Variants in ZCCHC2 observed in about 807,000 individuals in gnomAD.
The protein encoded by ZCCHC2 is zinc finger CCHC-type containing 2, also known as zinc finger CCHC domain-containing protein 2.
In ZCCHC2, 39 loss-of-function variants were observed where a neutral mutation model predicts 103.6. That is an observed-to-expected ratio of 0.38 (90% CI 0.29 to 0.49). ZCCHC2 has a LOEUF of 0.49. ZCCHC2 is among the 20% of genes least tolerant of loss of function. The pLI is 0.96. For synonymous variants in ZCCHC2, 687 were observed against 608.9 expected (o/e 1.13, Z -1.89); for missense variants, 1,483 against 1,491.0 (o/e 0.99, Z 0.09).
Position 62,524,028 on chromosome 18 carries a change from C to A in ZCCHC2, c.604C>A (p.Leu202Ile). The change falls in exon 1 of 14, where the codon CTC (leucine) becomes ATC (isoleucine). Residue 202 changes from leucine to isoleucine, a missense_variant. Leu to Ile is a conservative substitution (Grantham distance 5). This residue lies in a region of ZCCHC2 where 568 missense variants were observed against 525.1 expected (regional missense o/e 1.08). Transcript: ENST00000269499. ...CCTGCTACCCCAGGTGGACTCGGTG[C>A]TCAAAAGCCTGCGCGCGGCCCGGGG... The part of the protein sequence containing the change: ...HRLLPQVDSV[L>I]KSLRAARGEG... 1 of 1,469,104 alleles carries A rather than the reference C, an allele frequency of 6.8e-7. No homozygotes were observed. The highest frequency in any genetic ancestry group is 8.9e-7 in the Non-Finnish European group (1 of 1,121,848). The allele number at this position is 1,469,104 out of a possible 1,614,324, so 91.0% of individuals were successfully genotyped here. A position where few individuals can be genotyped will look rare whatever the true frequency, so the allele number is the denominator to read the frequency against.
intron 3 of ZCCHC2, among the ~76,000 whole-genome samples, chr18:62,544,367 A>G (rs1034421200): frequency 2.3e-4 from 35 of 152,250 alleles, no homozygotes; most frequent in African/African-American, 8.0e-4. Context: ...ATGAAATGGT[A>G]CTACCAAAGA....
Position 62,563,064 on chromosome 18 carries a change from C to G in ZCCHC2, c.1606C>G (p.Gln536Glu). 1 of 1,613,858 alleles carries G rather than the reference C, an allele frequency of 6.2e-7. No homozygotes were observed. Among genetic ancestry groups the G allele is most frequent in the Non-Finnish European group, 8.5e-7 (1 of 1,179,824 alleles). The change falls in exon 9 of 14, where the codon CAG (glutamine) becomes GAG (glutamate). Residue 536 changes from glutamine (Q) to glutamate (E), a missense_variant. Physicochemically the swap from Gln to Glu is conservative, Grantham distance 29. Transcript: ENST00000269499. ...LDGLTMQYSE[Q>E]NGIVDWRKQS... ...TGGGCTTACCATGCAATATTCTGAA[C>G]AGAATGGAATTGTGGATTGGAGGAA...
chr18:62,527,925 T>C (rs1914506565), intron 1 of ZCCHC2, among the ~76,000 whole-genome samples: 1 of 152,240 alleles, frequency 6.6e-6, no homozygotes, highest in Non-Finnish European at 1.5e-5. Flanking sequence ...ATGCAAGCAA[T>C]GTTTGCATAC....
intron 6 of ZCCHC2, among the ~76,000 whole-genome samples, chr18:62,557,330 C>T (rs1035872286): frequency 5.3e-5 from 8 of 152,086 alleles, no homozygotes; most frequent in African/African-American, 1.7e-4. Context: ...TAAAACTGTC[C>T]CTCTGCTCTC....
At chr18:62,527,206 A>G (rs189642025) in intron 1 of ZCCHC2, among the ~76,000 whole-genome samples, 1 of 152,278 alleles carries the variant, frequency 6.6e-6, no homozygotes, top group African/African-American at 2.4e-5. Context: ...ATACTGGCCC[A>G]GAATAGTGCA....
At chr18:62,553,037 T>A (rs1915731240) in intron 5 of ZCCHC2, among the ~76,000 whole-genome samples, 1 of 152,140 alleles carries the variant, frequency 6.6e-6, no homozygotes, top group African/African-American at 2.4e-5. Flanking sequence ...TAAAGCTAAT[T>A]TTGAAGAATG....
rs780379364 is a variant in ZCCHC2 at position 62,574,991 on chromosome 18, G to A, written c.2910G>A (p.Pro970=). The A allele has an allele frequency of 1.9e-5, 30 of 1,613,788 alleles. No individual in the cohort carries two copies. Among genetic ancestry groups the A allele is most frequent in the Admixed American group, 3.3e-5 (2 of 59,992 alleles). The change falls in exon 13 of 14, where the codon CCG becomes CCA. Residue 970 remains proline (P), a synonymous_variant. Coordinates refer to ENST00000269499, the MANE Select transcript of ZCCHC2 (RefSeq NM_017742.6). The part of the protein sequence containing the change: ...AVPTHTPGPA[P]SPSPALTHST... Reference sequence around the variant, plus strand: ...CTACCCACACCCCAGGCCCTGCCCCGAGCCCAAGCCCTGCCTTGACACACA... The same window carrying A: ...CTACCCACACCCCAGGCCCTGCCCCAAGCCCAAGCCCTGCCTTGACACACA...
rs1193485904 is a variant in ZCCHC2, at chr18:62,523,265, G to GC, written c.-154dup. On this transcript the variant is annotated 5_prime_UTR_variant, in exon 1 of 14. Transcript: ENST00000269499. ...CCAGCGACCCCGCCGGCCGGCCACC[G>GC]CCCCCCTCGCCGGCCGAGACCCGCC... is the stretch of plus-strand genomic sequence containing the variant. 1.1e-5 allele frequency: 6 copies of GC among 555,760 alleles called. No individual in the cohort carries two copies. Among genetic ancestry groups the GC allele is most frequent in the Non-Finnish European group, 1.4e-5 (6 of 439,508 alleles). The allele number at this position is 555,760 out of a possible 1,614,324, so 34.4% of individuals were successfully genotyped here.
chr18:62,530,817 A>G (rs1368401445), intron 1 of ZCCHC2, among the ~76,000 whole-genome samples: 1 of 152,222 alleles, frequency 6.6e-6, no homozygotes, highest in African/African-American at 2.4e-5. Context: ...TTAGATTATT[A>G]TTAATTATCG....
chr18:62,557,482 T>C (rs559620034), intron 6 of ZCCHC2, among the ~76,000 whole-genome samples: 1 of 152,370 alleles, frequency 6.6e-6, no homozygotes, highest in South Asian at 2.1e-4. Flanking sequence ...AGTGTGTTAA[T>C]GCTAACGTAA....
At position 62,542,582 on chromosome 18, in the gene ZCCHC2, A is replaced by C; in HGVS notation, c.1128+8A>C. ...TGGGAGTACACTTTCAAAGTAAGCC[A>C]TTTTCCCCACAAAAGATACCTCACG... On this transcript the variant is annotated splice_region_variant and intron_variant, in intron 3 of 13. Coordinates refer to ENST00000269499, the MANE Select transcript of ZCCHC2 (RefSeq NM_017742.6). 3.9e-6 allele frequency: 6 copies of C among 1,556,442 alleles called. No homozygotes were observed. The highest frequency in any genetic ancestry group is 5.2e-6 in the Non-Finnish European group (6 of 1,148,868).
intron 1 of ZCCHC2, among the ~76,000 whole-genome samples, chr18:62,535,328 T>C (rs2145491122): frequency 6.6e-6 from 1 of 152,310 alleles, no homozygotes; most frequent in South Asian, 2.1e-4. Flanking sequence ...GATGTTTTCC[T>C]TCTGTAGTGA....
In ZCCHC2 at chr18:62,562,989, C is replaced by G; in HGVS notation, c.1551-20C>G. On this transcript the variant is annotated intron_variant, in intron 8 of 13. Coordinates refer to ENST00000269499, the MANE Select transcript of ZCCHC2 (RefSeq NM_017742.6). Reference sequence around the variant, plus strand: ...TATTGAGGGCAGATTTTCACACTTTCATAAACTTTTCTTTGGTAGCAATAT... The same window carrying G: ...TATTGAGGGCAGATTTTCACACTTTGATAAACTTTTCTTTGGTAGCAATAT... The G allele has an allele frequency of 6.3e-7, 1 of 1,597,160 alleles. No individual in the cohort carries two copies.
At chr18:62,566,610 G>A (rs147375911) in intron 11 of ZCCHC2, among the ~76,000 whole-genome samples, 108 of 152,330 alleles carry the variant, frequency 7.1e-4, no homozygotes, top group Non-Finnish European at 1.1e-3. Flanking sequence ...TTGTCTCACA[G>A]TGTTTGGGAA....
intron 3 of ZCCHC2, among the ~76,000 whole-genome samples, chr18:62,543,867 C>G (rs1568544087): frequency 6.6e-6 from 1 of 151,970 alleles, no homozygotes; most frequent in East Asian, 1.9e-4. Flanking sequence ...ATCCCTGACA[C>G]AAGAGTCAGA....
intron 1 of ZCCHC2, among the ~76,000 whole-genome samples, chr18:62,536,586 G>A (rs570404128): frequency 5.3e-4 from 81 of 152,292 alleles, no homozygotes; most frequent in African/African-American, 1.9e-3. Context: ...TAAAGAGGGA[G>A]TGCAGGGCAG....
chr18:62,544,938 G>A lies in ZCCHC2; in HGVS notation c.1200+65G>A, dbSNP rs115460212. 600 of 1,306,066 alleles carry A rather than the reference G, an allele frequency of 4.6e-4. 2 individuals carry two copies. In the African/African-American group the frequency reaches 8.7e-3, roughly 19 times the overall value. 80.9% of individuals were successfully genotyped at this position (1,306,066 alleles called of 1,614,324 possible). A position where few individuals can be genotyped will look rare whatever the true frequency, so the allele number is the denominator to read the frequency against. Reference sequence around the variant, plus strand: ...ATATACAGAATCCAGAAACCTCAACGTCAAAAAAACACCAGGAAAATTAAA... The same window carrying A: ...ATATACAGAATCCAGAAACCTCAACATCAAAAAAACACCAGGAAAATTAAA... On this transcript the variant is annotated intron_variant, in intron 4 of 13. Transcript: ENST00000269499.
chr18:62,579,099 G>A (rs537462937), downstream of ZCCHC2, among the ~76,000 whole-genome samples: 2 of 152,232 alleles, frequency 1.3e-5, no homozygotes, highest in South Asian at 4.1e-4. Context: ...GGTAATCTGC[G>A]TGACCACTAG....
chr18:62,529,835 A>G (rs2145485977), intron 1 of ZCCHC2, among the ~76,000 whole-genome samples: 1 of 152,332 alleles, frequency 6.6e-6, no homozygotes, highest in Admixed American at 6.5e-5. Context: ...CATGGTTTCT[A>G]CATCCGGGGA....
Sources: gnomAD v4.1 joint callset for allele counts (sites outside exome capture counted in the v4.1 genomes callset) on GRCh38, gnomAD v4.1.1 for gene constraint, gnomAD v4.1.1 regional missense constraint, MANE v1.5 for transcripts, NCBI Gene and HGNC (gene_info 2026-07-23, HGNC 2026-07-21) for gene names.